Variants in CEP41 observed in about 807,000 individuals in gnomAD.
CEP41 encodes the protein centrosomal protein of 41 kDa.
Under a neutral mutation model 44.3 loss-of-function variants are expected in CEP41, and 32 were observed. The ratio of observed to expected loss-of-function variants is 0.72; its 90% CI spans 0.54 to 0.97. The LOEUF is 0.97. Among genes scored for constraint, CEP41 ranks in the 50% least tolerant of loss-of-function variants. The pLI is 0.00. For synonymous variants in CEP41, 151 were observed against 168.5 expected, an observed-to-expected ratio of 0.90 and a Z score of 0.80; for missense variants, 432 against 455.2, an observed-to-expected ratio of 0.95 and a Z score of 0.46.
At chr7:130,417,104 C>T in intron 2 of CEP41, 138 bp from the exon 3 acceptor site, 2 of 1,407,510 alleles carry the variant, frequency 1.4e-6, no homozygotes, top group Non-Finnish European at 1.9e-6. Context: ...AGCAAACAGG[C>T]CACACACAGT....
At position 130,394,496 on chromosome 7, in the gene CEP41, T is replaced by C. The variant is rs1383411651; in HGVS notation, c.*4395A>G. The C allele has an allele frequency of 2.2e-6, 1 of 453,992 alleles. No homozygotes were observed. The highest frequency in any genetic ancestry group is 2.0e-5 in the African/African-American group (1 of 50,004). 28.1% of individuals were successfully genotyped at this position (453,992 alleles called of 1,614,324 possible). ...CTACTCTTAAGATGGGGGTGGTGTG[T>C]GACCTTTGCGTGCTGAATTTGGGAG... is the stretch of plus-strand genomic sequence containing the variant. On this transcript the variant is annotated 3_prime_UTR_variant, in exon 11 of 11. Coordinates refer to ENST00000223208, the MANE Select transcript of CEP41 (RefSeq NM_018718.3).
chr7:130,401,619 G>C (rs1562977889), intron 8 of CEP41, among the ~76,000 whole-genome samples: 2 of 151,926 alleles, frequency 1.3e-5, no homozygotes, highest in African/African-American at 4.8e-5. Flanking sequence ...TTTCTGGGAG[G>C]AAAAAAACTC....
intron 1 of CEP41, among the ~76,000 whole-genome samples, chr7:130,437,779 A>AG (rs67796617): frequency 7.3e-5 from 10 of 136,376 alleles, no homozygotes; most frequent in Non-Finnish European, 1.5e-4. Flanking sequence ...AAAAAAAAAA[A>AG]AAAAAAAAAG....
intron 5 of CEP41, among the ~76,000 whole-genome samples, chr7:130,409,842 C>T (rs1202677311): frequency 1.3e-5 from 2 of 152,070 alleles, no homozygotes; most frequent in African/African-American, 4.8e-5. Flanking sequence ...AGCGCCTACT[C>T]GTCCCTTAGA....
intron 6 of CEP41, among the ~76,000 whole-genome samples, chr7:130,403,148 G>A (rs1796906590): frequency 6.6e-6 from 1 of 152,232 alleles, no homozygotes; most frequent in Admixed American, 6.5e-5. Flanking sequence ...TGTGAATCCA[G>A]TAGAGCGAAA....
chr7:130,426,788 C>T lies in CEP41; in HGVS notation c.97+1167G>A, dbSNP rs1224370561. On this transcript the variant is annotated intron_variant, in intron 2 of 10. Coordinates refer to ENST00000223208, the MANE Select transcript of CEP41 (RefSeq NM_018718.3). ...AGAAACAGTACACCAGACTTGGCAC[C>T]AGATCTCCAATATTGACTTCCTCAT... 13 of 377,326 alleles carry T rather than the reference C, an allele frequency of 3.4e-5. No individual in the cohort carries two copies. The Admixed American group carries it at 4.0e-4, about 12-fold the overall frequency. 23.4% of individuals were successfully genotyped at this position (377,326 alleles called of 1,614,324 possible). A position where few individuals can be genotyped will look rare whatever the true frequency, so the allele number is the denominator to read the frequency against.
chr7:130,431,842 A>T (rs191134198), intron 1 of CEP41, among the ~76,000 whole-genome samples: 59 of 152,270 alleles, frequency 3.9e-4, no homozygotes, highest in Admixed American at 6.5e-4. Context: ...ATACATGTTT[A>T]AAAAAACTTG....
chr7:130,402,343 C>CAAA lies in CEP41; in HGVS notation c.574+302_574+304dup, dbSNP rs150874127. 4.2e-4 allele frequency among the ~76,000 whole-genome samples: 32 copies of CAAA among 76,574 alleles called. 2 individuals are homozygous for CAAA. The highest frequency in any genetic ancestry group is 7.9e-4 in the East Asian group (2 of 2,526). The allele number at this position is 76,574 out of a possible 152,430, so 50.2% of individuals were successfully genotyped here. ...TCTTGGCAACAGAGCAAGGTATTAACAAAAAAAAAACAAAAAAAAAAATCA... is the reference window on the plus strand; with the variant it reads ...TCTTGGCAACAGAGCAAGGTATTAACAAAAAAAAAAAAACAAAAAAAAAAATCA... On this transcript the variant is annotated intron_variant, in intron 7 of 10. Transcript: ENST00000223208.
At chr7:130,413,709 T>C (rs1554420308) in intron 3 of CEP41, among the ~76,000 whole-genome samples, 1 of 152,246 alleles carries the variant, frequency 6.6e-6, no homozygotes, top group African/African-American at 2.4e-5. Context: ...CATTAAACAG[T>C]TATTAAAAAC....
At chr7:130,417,266 T>C in intron 2 of CEP41, 2 of 1,185,412 alleles carry the variant, frequency 1.7e-6, no homozygotes, top group Non-Finnish European at 1.1e-6. Flanking sequence ...GTTTTTCAAG[T>C]CTAGGCTTTC....
In CEP41 at chr7:130,395,957, C is replaced by A. The variant is rs1378231495; in HGVS notation, c.*2934G>T. The stretch of plus-strand genomic sequence containing the variant: ...TTCCATACTTTTTCAAGAGATTGAG[C>A]CTGACATTATTACAGCCCAGGGTGT... On this transcript the variant is annotated 3_prime_UTR_variant, in exon 11 of 11. Transcript: ENST00000223208. 2 of 453,362 alleles carry A rather than the reference C, an allele frequency of 4.4e-6. No homozygotes were observed. The highest frequency in any genetic ancestry group is 4.7e-5 in the Admixed American group (2 of 42,524). The allele number at this position is 453,362 out of a possible 1,614,324, so 28.1% of individuals were successfully genotyped here. A position where few individuals can be genotyped will look rare whatever the true frequency, so the allele number is the denominator to read the frequency against.
Position 130,398,429 on chromosome 7 carries a change from C to T in CEP41, c.*462G>A, listed in dbSNP as rs1231991399. 4.4e-6 allele frequency: 2 copies of T among 454,024 alleles called. No homozygotes were observed. Among genetic ancestry groups the T allele is most frequent in the Admixed American group, 2.4e-5 (1 of 42,544 alleles). 28.1% of individuals were successfully genotyped at this position (454,024 alleles called of 1,614,324 possible). A position where few individuals can be genotyped will look rare whatever the true frequency, so the allele number is the denominator to read the frequency against. On this transcript the variant is annotated 3_prime_UTR_variant, in exon 11 of 11. Coordinates refer to ENST00000223208, the MANE Select transcript of CEP41 (RefSeq NM_018718.3). Reference sequence around the variant, plus strand: ...GGCTCATCTGCACCCTTGGAAACAGCTTCTCACACCAAGACTGCCCGGAGA... The same window carrying T: ...GGCTCATCTGCACCCTTGGAAACAGTTTCTCACACCAAGACTGCCCGGAGA...
At chr7:130,402,229 C>A (rs1433250984) in intron 7 of CEP41, among the ~76,000 whole-genome samples, 7 of 151,730 alleles carry the variant, frequency 4.6e-5, no homozygotes, top group African/African-American at 1.7e-4. Context: ...GCCTGTAGTC[C>A]CAGGTACTCG....
At position 130,396,890 on chromosome 7, in the gene CEP41, A is replaced by G. The variant is rs1554414821; in HGVS notation, c.*2001T>C. 2.2e-6 allele frequency: 1 copy of G among 447,504 alleles called. No individual in the cohort carries two copies. The highest frequency in any genetic ancestry group is 4.5e-6 in the Non-Finnish European group (1 of 223,612). The allele number at this position is 447,504 out of a possible 1,614,324, so 27.7% of individuals were successfully genotyped here. A position where few individuals can be genotyped will look rare whatever the true frequency, so the allele number is the denominator to read the frequency against. On this transcript the variant is annotated 3_prime_UTR_variant, in exon 11 of 11. Coordinates refer to ENST00000223208, the MANE Select transcript of CEP41 (RefSeq NM_018718.3). Reference sequence around the variant, plus strand: ...ATATACAGTGGTTTCTAATACTCCAAAGTTGTCTGACGATGGGAACGCAGA... The same window carrying G: ...ATATACAGTGGTTTCTAATACTCCAGAGTTGTCTGACGATGGGAACGCAGA...
intron 2 of CEP41, chr7:130,421,453 T>C (rs1797506132): frequency 1.0e-6 from 1 of 985,200 alleles, no homozygotes; most frequent in Non-Finnish European, 1.2e-6. Context: ...GTATAGTGCT[T>C]TCTGGTTTAT....
At chr7:130,430,446 G>GA (rs1283991869) in intron 1 of CEP41, among the ~76,000 whole-genome samples, 1 of 152,108 alleles carries the variant, frequency 6.6e-6, no homozygotes, top group African/African-American at 2.4e-5. Context: ...TTTATCCTTA[G>GA]AAAAAGGTTG....
chr7:130,436,955 C>T (rs891642980), intron 1 of CEP41, among the ~76,000 whole-genome samples: 17 of 152,134 alleles, frequency 1.1e-4, no homozygotes, highest in Admixed American at 9.2e-4. Flanking sequence ...AGGAGAATCG[C>T]TTGAACCTGG....
chr7:130,433,254 A>G (rs57607771), intron 1 of CEP41, among the ~76,000 whole-genome samples: 9,371 of 152,128 alleles, frequency 0.062, 390 homozygotes, highest in African/African-American at 0.12. Context: ...GAAAGAGGAC[A>G]GTAGCTGGAT....
intron 5 of CEP41, among the ~76,000 whole-genome samples, chr7:130,406,535 G>A (rs1584875702): frequency 6.6e-6 from 1 of 152,152 alleles, no homozygotes; most frequent in Admixed American, 6.5e-5. Context: ...AGTGAGCTGA[G>A]ATCGTGCCAC....
Sources: allele counts gnomAD v4.1 joint callset (sites outside exome capture counted in the v4.1 genomes callset), GRCh38; gene constraint gnomAD v4.1.1; transcripts MANE v1.5; gene names NCBI Gene and HGNC (gene_info 2026-07-23, HGNC 2026-07-21).